Variants in LRP1B observed in about 807,000 individuals in gnomAD.
LRP1B encodes the protein LDL receptor related protein 1B, also known as low-density lipoprotein receptor-related protein 1B.
A neutral mutation model predicts 556.6 loss-of-function variants in LRP1B; 217 were observed. That is an observed-to-expected ratio of 0.39 (90% CI 0.35 to 0.44). The LOEUF (loss-of-function observed/expected upper bound fraction) is 0.44. LRP1B is among the 20% of genes least tolerant of loss of function. The pLI, the probability that LRP1B is intolerant of heterozygous loss-of-function variation, is 1.00. For synonymous variants in LRP1B, 2,047 were observed against 1,865.8 expected (o/e 1.10, Z -2.50); for missense variants, 5,053 against 5,620.8 (o/e 0.90, Z 3.23).
intron 33 of LRP1B, 40 bp downstream of exon 33, chr2:140,776,058 C>G (rs745951591): frequency 6.9e-7 from 1 of 1,453,062 alleles, no homozygotes; most frequent in Admixed American, 2.5e-5. Context: ...GAGCACATTA[C>G]GTATTCAAGA....
chr2:140,682,621 G>A (rs1685897540), intron 41 of LRP1B, among the ~76,000 whole-genome samples: 1 of 151,930 alleles, frequency 6.6e-6, no homozygotes. Flanking sequence ...AAGGTTAGGT[G>A]CAAATCATTT....
intron 35 of LRP1B, among the ~76,000 whole-genome samples, chr2:140,759,975 T>G (rs527722745): frequency 4.3e-4 from 65 of 152,306 alleles, no homozygotes; most frequent in African/African-American, 1.4e-3. Context: ...AGATTTGGCT[T>G]AAGTTACTAT....
chr2:141,688,142 A>AT (rs1486438502), intron 2 of LRP1B, among the ~76,000 whole-genome samples: 2 of 151,570 alleles, frequency 1.3e-5, no homozygotes, highest in African/African-American at 4.8e-5. Flanking sequence ...AGCTATTCCA[A>AT]TTTTTTTCCC....
chr2:142,088,984 AAAAAAAAAAAAAG>A (rs1367415274), intron 1 of LRP1B, among the ~76,000 whole-genome samples: 7 of 56,306 alleles, frequency 1.2e-4, no homozygotes, highest in Admixed American at 2.9e-4. Context: ...CAAAAAAAAA[AAAAAAAAAAAAAG>A]AAAAAGAAAA....
At chr2:141,715,903 C>T (rs1692566946) in intron 2 of LRP1B, among the ~76,000 whole-genome samples, 1 of 152,066 alleles carries the variant, frequency 6.6e-6, no homozygotes, top group East Asian at 1.9e-4. Context: ...ACTGTGGTTG[C>T]TAAAATAGCA....
At chr2:140,475,992 T>C (rs2105349138) in intron 59 of LRP1B, among the ~76,000 whole-genome samples, 1 of 152,092 alleles carries the variant, frequency 6.6e-6, no homozygotes, top group Admixed American at 6.5e-5. Flanking sequence ...ATTTACATTA[T>C]GTTATTAGAA....
intron 41 of LRP1B, among the ~76,000 whole-genome samples, chr2:140,692,033 T>C (rs1005325186): frequency 2.6e-5 from 4 of 152,124 alleles, no homozygotes; most frequent in Non-Finnish European, 5.9e-5. Context: ...GTATGATTTT[T>C]AATGTGCTTA....
At chr2:141,435,642 T>G (rs780095642) in intron 3 of LRP1B, among the ~76,000 whole-genome samples, 3 of 152,172 alleles carry the variant, frequency 2.0e-5, no homozygotes, top group Non-Finnish European at 4.4e-5. Flanking sequence ...TCACTCCCAC[T>G]CTGGTGCACA....
intron 2 of LRP1B, among the ~76,000 whole-genome samples, chr2:141,483,223 T>C (rs1003891613): frequency 8.0e-5 from 12 of 149,680 alleles, no homozygotes; most frequent in Middle Eastern, 3.2e-3. Context: ...TTTGGTTTTT[T>C]GTCCTTGCGA....
chr2:141,096,621 G>GAGAGAGAGAGAGA lies in LRP1B; in HGVS notation c.1014-34349_1014-34348insTCTCTCTCTCTCT, dbSNP rs1558857992. ...ACCCTAGCCTGAATGACAAAGACGGGGAGAGGGGGAGAGAGAGAGAGAGAG... is the reference window on the plus strand; with the variant it reads ...ACCCTAGCCTGAATGACAAAGACGGGAGAGAGAGAGAGAGAGAGGGGGAGAGAGAGAGAGAGAG... On this transcript the variant is annotated intron_variant, in intron 7 of 90. Transcript: ENST00000389484. Among the ~76,000 whole-genome samples the GAGAGAGAGAGAGA allele has an allele frequency of 4.8e-4, 19 of 39,896 alleles. 1 individual carries two copies. The highest frequency in any genetic ancestry group is 2.2e-3 in the South Asian group (2 of 890). The allele number at this position is 39,896 out of a possible 152,430, so 26.2% of individuals were successfully genotyped here. A position where few individuals can be genotyped will look rare whatever the true frequency, so the allele number is the denominator to read the frequency against.
rs541716710 is a variant in LRP1B, at chr2:141,683,985, G to A, written c.205+126294C>T. 1.6e-4 allele frequency among the ~76,000 whole-genome samples: 25 copies of A among 152,088 alleles called. No homozygotes were observed. The South Asian group carries it at 1.9e-3, about 11-fold the overall frequency. ...TGGAGAAATAGGAACACTTTTACAT[G>A]GTTGGTGGTAGTGTAAATTAGTTCA... On this transcript the variant is annotated intron_variant, in intron 2 of 90. Transcript: ENST00000389484.
At chr2:140,878,989 CAAAAAAAAA>C (rs3063609) in intron 25 of LRP1B, among the ~76,000 whole-genome samples, 1 of 135,790 alleles carries the variant, frequency 7.4e-6, no homozygotes. Flanking sequence ...ACTCTGTTTC[CAAAAAAAAA>C]AAAAAAAGAA....
At chr2:141,544,300 T>TCTA (rs1458911381) in intron 2 of LRP1B, among the ~76,000 whole-genome samples, 4,176 of 10,350 alleles carry the variant, frequency 0.4, 200 homozygotes, top group South Asian at 0.54. Flanking sequence ...TTACCACTCT[T>TCTA]CTTCTTCTTC....
intron 1 of LRP1B, among the ~76,000 whole-genome samples, chr2:141,920,534 T>A (rs1307335565): frequency 2.6e-5 from 4 of 152,030 alleles, no homozygotes; most frequent in Non-Finnish European, 5.9e-5. Context: ...AAGGATGAGT[T>A]CAGGTTATTA....
chr2:141,384,992 G>A (rs1426486646), intron 3 of LRP1B, among the ~76,000 whole-genome samples: 2 of 152,148 alleles, frequency 1.3e-5, no homozygotes, highest in Non-Finnish European at 2.9e-5. Context: ...CCCTGGACCC[G>A]CCTTTTAAAC....
chr2:140,781,834 C>T (rs140614634), intron 32 of LRP1B, among the ~76,000 whole-genome samples: 36 of 152,292 alleles, frequency 2.4e-4, no homozygotes, highest in African/African-American at 7.7e-4. Flanking sequence ...CATTCTAAGG[C>T]TCCTCTACAG....
chr2:142,047,314 G>T (rs1324848670), intron 1 of LRP1B, among the ~76,000 whole-genome samples: 1 of 151,842 alleles, frequency 6.6e-6, no homozygotes, highest in Non-Finnish European at 1.5e-5. Context: ...GTTCCCATGT[G>T]TAGTCACATA....
intron 2 of LRP1B, among the ~76,000 whole-genome samples, chr2:141,579,108 G>A (rs1392184767): frequency 6.6e-6 from 1 of 152,082 alleles, no homozygotes; most frequent in African/African-American, 2.4e-5. Context: ...ACATAGGTCG[G>A]CTTTTTCTTT....
intron 35 of LRP1B, among the ~76,000 whole-genome samples, chr2:140,747,569 T>A (rs1259450562): frequency 6.6e-6 from 1 of 152,124 alleles, no homozygotes; most frequent in African/African-American, 2.4e-5. Flanking sequence ...AATGGAGAAA[T>A]TTCAATGTCA....
Sources: allele counts gnomAD v4.1 joint callset (sites outside exome capture counted in the v4.1 genomes callset), GRCh38; gene constraint gnomAD v4.1.1; transcripts MANE v1.5; gene names NCBI Gene and HGNC (gene_info 2026-07-23, HGNC 2026-07-21).